CHD6: variants seen among roughly 807,000 people sequenced by gnomAD.
CHD6 encodes the protein chromodomain helicase DNA binding protein 6.
Under a neutral mutation model 276.9 loss-of-function variants are expected in CHD6, and 50 were observed. The ratio of observed to expected loss-of-function variants is 0.18; its 90% CI spans 0.14 to 0.23. CHD6 has a LOEUF of 0.23. CHD6 is among the 10% of genes least tolerant of loss of function. The pLI is 1.00. For missense variants in CHD6, 2,564 were observed against 3,365.8 expected, an observed-to-expected ratio of 0.76 and a Z score of 5.89; for synonymous variants, 1,173 against 1,229.3, an observed-to-expected ratio of 0.95 and a Z score of 0.96.
At chr20:41,451,742 G>T in intron 22 of CHD6, 84 bp downstream of exon 22, 1 of 1,214,492 alleles carries the variant, frequency 8.2e-7, no homozygotes. Context: ...GTCCCCCAAA[G>T]CACAGCAATA....
chr20:41,422,681 T>C (rs574670157), intron 30 of CHD6, among the ~76,000 whole-genome samples: 4 of 152,298 alleles, frequency 2.6e-5, no homozygotes, highest in African/African-American at 9.6e-5. Flanking sequence ...ATCATGCCTG[T>C]CCTATTTCAA....
At chr20:41,483,285 G>T in intron 16 of CHD6, 24 bp downstream of exon 16, 1 of 1,581,252 alleles carries the variant, frequency 6.3e-7, no homozygotes. Context: ...ATTGTTGAAT[G>T]CAGAGCTTTG....
intron 27 of CHD6, among the ~76,000 whole-genome samples, chr20:41,431,930 G>A (rs1027483438): frequency 2.2e-4 from 34 of 151,920 alleles, no homozygotes; most frequent in Admixed American, 5.9e-4. Context: ...AGGCCAAGGC[G>A]GGTGGATCAC....
chr20:41,610,817 C>T (rs1411807605), intron 1 of CHD6, among the ~76,000 whole-genome samples: 1 of 151,546 alleles, frequency 6.6e-6, no homozygotes, highest in Non-Finnish European at 1.5e-5. Context: ...GATAGATAAA[C>T]CTGAAATACT....
intron 16 of CHD6, among the ~76,000 whole-genome samples, chr20:41,481,120 A>T (rs3091860): frequency 0.62 from 92,995 of 150,116 alleles, 31,300 homozygotes; most frequent in Non-Finnish European, 0.77. Flanking sequence ...AAGAAAAAAA[A>T]ATATATATAT....
intron 17 of CHD6, among the ~76,000 whole-genome samples, chr20:41,465,072 G>A (rs545932528): frequency 3.5e-4 from 53 of 152,314 alleles, no homozygotes; most frequent in African/African-American, 1.3e-3. Flanking sequence ...TAGAAGGGAT[G>A]ATGAGAATAG....
At chr20:41,565,683 C>T (rs530933163) in intron 1 of CHD6, among the ~76,000 whole-genome samples, 2 of 124,240 alleles carry the variant, frequency 1.6e-5, no homozygotes, top group African/African-American at 7.3e-5. Context: ...GATTCCAATT[C>T]GGCTCTCTTA....
chr20:41,435,988 A>C, intron 27 of CHD6, among the ~76,000 whole-genome samples: 1 of 152,112 alleles, frequency 6.6e-6, no homozygotes, highest in East Asian at 1.9e-4. Context: ...AATTTTTTTT[A>C]ATTTTTTAAT....
chr20:41,414,209 C>A (rs1359225562), intron 34 of CHD6: 2 of 152,340 alleles, frequency 1.3e-5, no homozygotes, highest in East Asian at 3.9e-4. Flanking sequence ...GAAGACATAA[C>A]CCAAGCAATA....
chr20:41,614,930 T>C (rs1043079540), intron 1 of CHD6, among the ~76,000 whole-genome samples: 2 of 152,218 alleles, frequency 1.3e-5, no homozygotes, highest in African/African-American at 4.8e-5. Flanking sequence ...GTGTCCTCAC[T>C]GTATTCCAAC....
rs150795438 is a variant in CHD6 at position 41,474,062 on chromosome 20, C to T, written c.2469-545G>A. 1.3e-4 allele frequency among the ~76,000 whole-genome samples: 20 copies of T among 152,270 alleles called. 1 individual carries two copies. Among genetic ancestry groups the T allele is most frequent in the South Asian group, 4.1e-4 (2 of 4,822 alleles). ...CAAGTTCCTCAAAGCTTTGGAGGTACACAGCAAAACCTCCAAGTTTATAGC... is the reference window on the plus strand; with the variant it reads ...CAAGTTCCTCAAAGCTTTGGAGGTATACAGCAAAACCTCCAAGTTTATAGC... On this transcript the variant is annotated intron_variant, in intron 16 of 36. Coordinates refer to ENST00000373233, the MANE Select transcript of CHD6 (RefSeq NM_032221.5).
intron 1 of CHD6, among the ~76,000 whole-genome samples, chr20:41,583,082 G>T (rs2045557756): frequency 6.6e-6 from 1 of 151,828 alleles, no homozygotes; most frequent in African/African-American, 2.4e-5. Flanking sequence ...GTATTTGGCA[G>T]GGGGGAAAAA....
chr20:41,536,994 T>C (rs1179162529), intron 2 of CHD6, among the ~76,000 whole-genome samples: 3 of 152,316 alleles, frequency 2.0e-5, no homozygotes, highest in Middle Eastern at 6.8e-3. Flanking sequence ...ACTCTCCAAG[T>C]TGTGATGACA....
At chr20:41,555,135 G>C (rs369929081) in intron 1 of CHD6, among the ~76,000 whole-genome samples, 35,970 of 126,622 alleles carry the variant, frequency 0.28, 6,662 homozygotes, top group African/African-American at 0.55. Context: ...CTCCCCGACG[G>C]GGCGGCTGGC....
At chr20:41,475,320 T>A (rs1049526114) in intron 16 of CHD6, among the ~76,000 whole-genome samples, 7 of 152,224 alleles carry the variant, frequency 4.6e-5, no homozygotes, top group Admixed American at 4.6e-4. Flanking sequence ...TAACATATCT[T>A]GCTCAGTCAT....
rs965629358 is a variant in CHD6, at chr20:41,593,903, A to G, written c.-24+24437T>C. On this transcript the variant is annotated intron_variant, in intron 1 of 36. Coordinates refer to ENST00000373233, the MANE Select transcript of CHD6 (RefSeq NM_032221.5). ...TGGACTTCCAGGCACCAGAATTGTG[A>G]GAACGTAATTTCTATTCTTTAAGCT... Among the ~76,000 whole-genome samples, 3 of 152,252 alleles carry G rather than the reference A, an allele frequency of 2.0e-5. No homozygotes were observed. In the East Asian group the frequency reaches 5.8e-4, roughly 29 times the overall value.
At chr20:41,602,031 A>G (rs1186312833) in intron 1 of CHD6, among the ~76,000 whole-genome samples, 1 of 152,204 alleles carries the variant, frequency 6.6e-6, no homozygotes, top group Admixed American at 6.5e-5. Flanking sequence ...AAGCAAAGCT[A>G]CACTGCATTC....
At chr20:41,590,620 C>T (rs959596678) in intron 1 of CHD6, among the ~76,000 whole-genome samples, 18 of 152,314 alleles carry the variant, frequency 1.2e-4, no homozygotes, top group African/African-American at 3.8e-4. Context: ...TGCTCATCAT[C>T]ACTGGCCATC....
chr20:41,586,307 G>T (rs1015020668), intron 1 of CHD6, among the ~76,000 whole-genome samples: 3 of 152,192 alleles, frequency 2.0e-5, no homozygotes, highest in African/African-American at 7.2e-5. Flanking sequence ...GATCCGGCAG[G>T]GTGTCCGCTG....
Sources: allele counts gnomAD v4.1 joint callset (sites outside exome capture counted in the v4.1 genomes callset), GRCh38; gene constraint gnomAD v4.1.1; transcripts MANE v1.5; gene names NCBI Gene and HGNC (gene_info 2026-07-23, HGNC 2026-07-21).